PRMT8: variants seen among roughly 807,000 people sequenced by gnomAD.
PRMT8 encodes protein arginine N-methyltransferase 8.
PRMT8 carries 7 observed loss-of-function variants against 47.1 expected under a neutral mutation model. That is an observed-to-expected ratio of 0.15 (90% CI 0.08 to 0.28). The LOEUF (loss-of-function observed/expected upper bound fraction) is 0.28. PRMT8 is among the 10% of genes least tolerant of loss of function. The pLI is 1.00. For synonymous variants in PRMT8, 188 were observed against 186.5 expected (o/e 1.01, Z -0.07); for missense variants, 237 against 505.4 (o/e 0.47, Z 5.09).
intron 1 of PRMT8, among the ~76,000 whole-genome samples, chr12:3,483,490 C>G (rs1865294044): frequency 6.6e-6 from 1 of 152,036 alleles, no homozygotes; most frequent in South Asian, 2.1e-4. Flanking sequence ...GGTCCTTAAC[C>G]CCACTTTATT....
At chr12:3,518,608 A>C (rs1565429035) in intron 1 of PRMT8, among the ~76,000 whole-genome samples, 1 of 152,204 alleles carries the variant, frequency 6.6e-6, no homozygotes, top group Non-Finnish European at 1.5e-5. Context: ...GACTCCTGCC[A>C]GCTGAGCAGA....
intron 1 of PRMT8, among the ~76,000 whole-genome samples, chr12:3,432,059 A>G (rs567016643): frequency 6.6e-6 from 1 of 152,314 alleles, no homozygotes; most frequent in East Asian, 1.9e-4. Context: ...AAGTGCCCCC[A>G]AGTCCCCCTA....
rs773331967 is a variant in PRMT8, at chr12:3,583,256, C to A, written c.979+48C>A. On this transcript the variant is annotated intron_variant, in intron 8 of 9. Coordinates refer to ENST00000382622, the MANE Select transcript of PRMT8 (RefSeq NM_019854.5). This position sits in a 1 kb window ranked among gnomAD's most constrained non-coding sequence, Gnocchi z 4.7. ...GAGCCTCCTCCCTCTCCCATGCTTC[C>A]TCAAGTCTTTGTGGGGTGACCAGAG... 1 of 1,560,624 alleles carries A rather than the reference C, an allele frequency of 6.4e-7. No individual in the cohort carries two copies. Among genetic ancestry groups the A allele is most frequent in the African/African-American group, 1.3e-5 (1 of 74,366 alleles).
intron 1 of PRMT8, among the ~76,000 whole-genome samples, chr12:3,400,391 A>G (rs959434428): frequency 1.3e-5 from 2 of 152,240 alleles, no homozygotes; most frequent in Admixed American, 1.3e-4. Context: ...CTCTATGCAC[A>G]TAAACTAGAA....
At chr12:3,440,182 C>T (rs537650483) in intron 1 of PRMT8, among the ~76,000 whole-genome samples, 54 of 152,232 alleles carry the variant, frequency 3.5e-4, no homozygotes, top group Admixed American at 7.8e-4. Context: ...CTATCTAGGC[C>T]GGGCGTGGTG....
intron 1 of PRMT8, among the ~76,000 whole-genome samples, chr12:3,429,333 G>A (rs1026368842): frequency 3.7e-4 from 57 of 152,104 alleles, no homozygotes; most frequent in African/African-American, 1.2e-3. Flanking sequence ...AAGTTTTCCT[G>A]GTGTCATGGT....
intron 1 of PRMT8, among the ~76,000 whole-genome samples, chr12:3,460,350 C>T (rs1333220199): frequency 1.3e-5 from 2 of 152,216 alleles, no homozygotes. Context: ...CCCTGTCATT[C>T]CTAGGAAATT....
At chr12:3,495,695 A>G (rs934586535) in intron 1 of PRMT8, among the ~76,000 whole-genome samples, 2 of 152,340 alleles carry the variant, frequency 1.3e-5, no homozygotes, top group South Asian at 2.1e-4. Flanking sequence ...CTGACACACA[A>G]TAAGTAATAA....
intron 1 of PRMT8, among the ~76,000 whole-genome samples, chr12:3,530,654 G>C (rs1386507411): frequency 6.6e-6 from 1 of 152,202 alleles, no homozygotes; most frequent in East Asian, 1.9e-4. Flanking sequence ...AAAGGCTTGA[G>C]AGTGCACAAT....
At position 3,538,637 on chromosome 12, in the gene PRMT8, C is replaced by T. The variant is rs1348866615; in HGVS notation, c.76-1969C>T. The T allele has an allele frequency of 1.9e-6, 1 of 519,032 alleles. No individual in the cohort carries two copies. The highest frequency in any genetic ancestry group is 5.4e-5 in the East Asian group (1 of 18,354). The allele number at this position is 519,032 out of a possible 1,614,324, so 32.2% of individuals were successfully genotyped here. A position where few individuals can be genotyped will look rare whatever the true frequency, so the allele number is the denominator to read the frequency against. ...CCCAGACCAGCTCCGACTTTTTCCT[C>T]TCCTTCACATATTTAAATGGAGTCG... On this transcript the variant is annotated intron_variant, in intron 1 of 9. Transcript: ENST00000382622. This position sits in a 1 kb window ranked among gnomAD's most constrained non-coding sequence, Gnocchi z 4.6.
intron 1 of PRMT8, among the ~76,000 whole-genome samples, chr12:3,398,660 C>T (rs982100393): frequency 2.0e-5 from 3 of 152,198 alleles, no homozygotes; most frequent in Non-Finnish European, 4.4e-5. Flanking sequence ...ATCAATCAGC[C>T]ATAAGCTTCC....
chr12:3,448,594 C>T (rs1864882825), intron 1 of PRMT8, among the ~76,000 whole-genome samples: 1 of 152,074 alleles, frequency 6.6e-6, no homozygotes, highest in Admixed American at 6.5e-5. Context: ...GCATCACTGG[C>T]CTCTACCCAC....
In PRMT8 at chr12:3,552,569, C is replaced by T; in HGVS notation, c.418-1082C>T. 5.6e-6 allele frequency: 2 copies of T among 358,686 alleles called. No individual in the cohort carries two copies. Among genetic ancestry groups the T allele is most frequent in the South Asian group, 4.1e-5 (2 of 48,364 alleles). The allele number at this position is 358,686 out of a possible 1,614,324, so 22.2% of individuals were successfully genotyped here. ...GAGAAGAAGAGGAGGGAATCACACC[C>T]CACAGACAGTGCAGCCTGAAGGCCA... On this transcript the variant is annotated intron_variant, in intron 3 of 9. Coordinates refer to ENST00000382622, the MANE Select transcript of PRMT8 (RefSeq NM_019854.5). The surrounding 1 kb of genome is among the most constrained non-coding windows in gnomAD (Gnocchi z 4.5).
chr12:3,507,822 G>T (rs890233803), intron 1 of PRMT8, among the ~76,000 whole-genome samples: 2 of 147,346 alleles, frequency 1.4e-5, no homozygotes, highest in Non-Finnish European at 3.0e-5. Flanking sequence ...GCAGTGGTGC[G>T]ATCTCGGATC....
chr12:3,530,798 G>A lies in PRMT8; in HGVS notation c.76-9808G>A, dbSNP rs76404509. ...ACCCTGGCACAGAGTCATACGGCGA[G>A]AGCGGGAAGCCTGGTACTCCTGTAC... On this transcript the variant is annotated intron_variant, in intron 1 of 9. Transcript: ENST00000382622. Among the ~76,000 whole-genome samples the A allele has an allele frequency of 2.4e-3, 368 of 152,306 alleles. 2 individuals carry two copies. The highest frequency in any genetic ancestry group is 8.2e-3 in the African/African-American group (340 of 41,564).
intron 1 of PRMT8, chr12:3,469,119 G>A: frequency 2.0e-6 from 1 of 489,362 alleles, no homozygotes; most frequent in Non-Finnish European, 4.0e-6. Flanking sequence ...TCTGAAGCCA[G>A]AGTCTTCCAT....
At chr12:3,487,667 G>T (rs984482151), upstream of PRMT8, among the ~76,000 whole-genome samples, 1 of 152,200 alleles carries the variant, frequency 6.6e-6, no homozygotes, top group Non-Finnish European at 1.5e-5. Context: ...GATAACCTTT[G>T]TAATTGTAAC....
chr12:3,422,903 GTCT>G (rs1332524904), intron 1 of PRMT8, among the ~76,000 whole-genome samples: 1 of 152,128 alleles, frequency 6.6e-6, no homozygotes, highest in Non-Finnish European at 1.5e-5. Context: ...CACTACCCAC[GTCT>G]TCTTGCAAGA....
intron 1 of PRMT8, among the ~76,000 whole-genome samples, chr12:3,498,080 A>G (rs969263896): frequency 6.6e-6 from 1 of 152,232 alleles, no homozygotes; most frequent in Non-Finnish European, 1.5e-5. Flanking sequence ...AGGTCTAGGA[A>G]TTGTGCATAG....
Sources: allele counts gnomAD v4.1 joint callset (sites outside exome capture counted in the v4.1 genomes callset), GRCh38; gene constraint gnomAD v4.1.1; non-coding constraint Gnocchi (gnomAD v3.1); transcripts MANE v1.5; gene names NCBI Gene and HGNC (gene_info 2026-07-23, HGNC 2026-07-21).